The following USP9X variants were observed in gnomAD, a reference collection of about 807,000 sequenced individuals.
USP9X encodes the protein ubiquitin specific peptidase 9 X-linked.
USP9X carries 7 observed loss-of-function variants against 190.3 expected under a neutral mutation model. That is an observed-to-expected ratio of 0.04 (90% confidence interval 0.02 to 0.07). The LOEUF (loss-of-function observed/expected upper bound fraction) is 0.07, where lower values mean the gene tolerates loss of function less well. Ranked by LOEUF, USP9X falls within the 10% of genes least tolerant of loss-of-function variation. The pLI is 1.00. For missense variants in USP9X, 1,010 were observed against 1,916.9 expected (o/e 0.53, Z 8.83); for synonymous variants, 645 against 659.5 (o/e 0.98, Z 0.34).
intron 30 of USP9X, among the ~76,000 whole-genome samples, chrX:41,200,707 A>G (rs767919323): frequency 5.3e-5 from 6 of 112,600 alleles, no homozygotes; most frequent in African/African-American, 1.9e-4. Context: ...ATTTGAAGGC[A>G]AAAGTATCAA....
chrX:41,099,111 T>G (rs1316142294), intron 1 of USP9X, among the ~76,000 whole-genome samples: 6 of 90,956 alleles, frequency 6.6e-5, no homozygotes, highest in South Asian at 5.5e-4. Context: ...TTTTTTTTTT[T>G]TTTTTTTTTT....
At chrX:41,113,402 G>T (rs1801886599) in intron 1 of USP9X, among the ~76,000 whole-genome samples, 1 of 110,645 alleles carries the variant, frequency 9.0e-6, no homozygotes, top group Admixed American at 9.7e-5. Flanking sequence ...GGGTTTCACC[G>T]TGTTAGCCAG....
chrX:41,110,114 C>G (rs1244170388), intron 1 of USP9X, among the ~76,000 whole-genome samples: 1 of 111,123 alleles, frequency 9.0e-6, no homozygotes. Flanking sequence ...ACCCCCTCCC[C>G]CAGAGAAGGG....
rs780605538 is a variant in USP9X, at chrX:41,148,323, G to A, written c.1420-46G>A. 1.2e-5 allele frequency: 14 copies of A among 1,171,821 alleles called. No individual in the cohort carries two copies. In the South Asian group the frequency reaches 2.2e-4, roughly 18 times the overall value. ...TTAACCTGGTGACAATTTATGAAGT[G>A]GTGACTAAATATGTGTTGTTTTCAT... On this transcript the variant is annotated intron_variant, in intron 11 of 44. Transcript: ENST00000378308.
chrX:41,222,200 C>T (rs1044309610), intron 38 of USP9X, among the ~76,000 whole-genome samples: 1 of 111,740 alleles, frequency 8.9e-6, no homozygotes, highest in Non-Finnish European at 1.9e-5. Flanking sequence ...ACATTAAAGC[C>T]GTGAGCGTGG....
chrX:41,173,857 A>G (rs904686902), intron 21 of USP9X, among the ~76,000 whole-genome samples: 1 of 112,071 alleles, frequency 8.9e-6, no homozygotes. Flanking sequence ...GAATGAAGCT[A>G]TGTGTAAGCA....
At chrX:41,205,818 A>G (rs946487296) in intron 32 of USP9X, among the ~76,000 whole-genome samples, 3 of 109,454 alleles carry the variant, frequency 2.7e-5, no homozygotes, top group East Asian at 5.7e-4. Context: ...GTAGTAGTCA[A>G]CTTGTGGCCA....
Position 41,186,830 on chromosome X carries a change from A to ATT in USP9X, c.3684+201_3684+202dup, listed in dbSNP as rs34817628. Reference sequence around the variant, plus strand: ...CCTTTTAAAGTATACAGATGGGGTGATTTTTTTTTTTTTTGAGACGGAGTC... The same window carrying ATT: ...CCTTTTAAAGTATACAGATGGGGTGATTTTTTTTTTTTTTTTGAGACGGAGTC... On this transcript the variant is annotated intron_variant, in intron 24 of 44. Coordinates refer to ENST00000378308, the MANE Select transcript of USP9X (RefSeq NM_001039591.3). Among the ~76,000 whole-genome samples the ATT allele has an allele frequency of 0.038, 3,813 of 101,090 alleles. 180 individuals are homozygous for ATT. The highest frequency in any genetic ancestry group is 0.11 in the African/African-American group (3,112 of 27,750). The allele number at this position is 101,090 out of a possible 115,157, so 87.8% of individuals were successfully genotyped here.
rs1296735614 is a variant in USP9X at position 41,085,449 on chromosome X, G to GCCGGAT, written c.-815_-810dup. Among the ~76,000 whole-genome samples, 1 of 92,573 alleles carries GCCGGAT rather than the reference G, an allele frequency of 1.1e-5. No homozygotes were observed. Among genetic ancestry groups the GCCGGAT allele is most frequent in the Non-Finnish European group, 2.1e-5 (1 of 46,614 alleles). The allele number at this position is 92,573 out of a possible 115,157, so 80.4% of individuals were successfully genotyped here. ...CGAGCGGTTTTTTTTTTTTTGGTTT[G>GCCGGAT]CCGGATCCGCCATATTGACGAGGAC... On this transcript the variant is annotated 5_prime_UTR_variant, in exon 1 of 45. Transcript: ENST00000378308.
chrX:41,143,760 TAGAA>T (rs1569166584), intron 10 of USP9X, among the ~76,000 whole-genome samples: 1 of 112,055 alleles, frequency 8.9e-6, no homozygotes, highest in Non-Finnish European at 1.9e-5. Context: ...ATAGATTTAA[TAGAA>T]AGCAAAAACC....
intron 1 of USP9X, among the ~76,000 whole-genome samples, chrX:41,093,446 G>T (rs910619234): frequency 1.7e-4 from 19 of 112,300 alleles, no homozygotes; most frequent in African/African-American, 5.2e-4. Flanking sequence ...CTGGGTTCAA[G>T]TGATTCTCCT....
At chrX:41,218,908 A>G (rs1442945599) in intron 37 of USP9X, among the ~76,000 whole-genome samples, 194 bp from the exon 38 acceptor site, 1 of 112,386 alleles carries the variant, frequency 8.9e-6, no homozygotes, top group Non-Finnish European at 1.9e-5. Flanking sequence ...AAAAAATTAC[A>G]AGTGTAAAAA....
rs72624295 is a variant in USP9X, at chrX:41,149,269, C to T, written c.1626+694C>T. ...AAATTATTTCATTAAACCAAGGGTC[C>T]TTCTGAGGAGTCTTGAAATCAGAGC... On this transcript the variant is annotated intron_variant, in intron 12 of 44. Coordinates refer to ENST00000378308, the MANE Select transcript of USP9X (RefSeq NM_001039591.3). Among the ~76,000 whole-genome samples the T allele has an allele frequency of 2.9e-4, 32 of 111,509 alleles. No individual in the cohort carries two copies. In the East Asian group the frequency reaches 8.2e-3, roughly 28 times the overall value.
intron 33 of USP9X, among the ~76,000 whole-genome samples, chrX:41,211,750 G>A (rs1407006710): frequency 9.2e-6 from 1 of 108,609 alleles, no homozygotes; most frequent in Admixed American, 9.5e-5. Context: ...GCCCCATCCG[G>A]GAGGTGAGGG....
At chrX:41,181,990 A>G (rs2062831390) in intron 21 of USP9X, among the ~76,000 whole-genome samples, 2 of 111,981 alleles carry the variant, frequency 1.8e-5, no homozygotes, top group South Asian at 7.3e-4. Context: ...TCAGGGATGA[A>G]TATGAGAGCT....
intron 1 of USP9X, among the ~76,000 whole-genome samples, chrX:41,097,194 C>T (rs1330832729): frequency 8.9e-6 from 1 of 112,076 alleles, no homozygotes; most frequent in Non-Finnish European, 1.9e-5. Context: ...GTTAAGTTTT[C>T]ATCTGCAGTC....
At chrX:41,090,180 T>TC (rs1439714481) in intron 1 of USP9X, among the ~76,000 whole-genome samples, 1 of 109,749 alleles carries the variant, frequency 9.1e-6, no homozygotes, top group East Asian at 2.8e-4. Context: ...GTGTTAGGAT[T>TC]CCCGGCATGA....
rs1303244796 is a variant in USP9X, at chrX:41,198,763, A to G, written c.4603+13A>G. On this transcript the variant is annotated intron_variant, in intron 30 of 44. Transcript: ENST00000378308. ...ACAGCAATAACTAGTAAGTATTTTT[A>G]ATAGAATGTGATAATTGATCATTTC... The G allele has an allele frequency of 1.7e-6, 2 of 1,146,916 alleles. No homozygotes were observed. Among genetic ancestry groups the G allele is most frequent in the Non-Finnish European group, 2.4e-6 (2 of 844,557 alleles). The allele number at this position is 1,146,916 out of a possible 1,213,427, so 94.5% of individuals were successfully genotyped here. A position where few individuals can be genotyped will look rare whatever the true frequency, so the allele number is the denominator to read the frequency against.
At chrX:41,168,277 A>G (rs925055730) in intron 18 of USP9X, 59 bp downstream of exon 18, 2 of 1,004,933 alleles carry the variant, frequency 2.0e-6, no homozygotes, top group Non-Finnish European at 2.6e-6. Context: ...TTTCCTAGCC[A>G]TTTGGTAAAA....
Sources: gnomAD v4.1 joint callset for allele counts (sites outside exome capture counted in the v4.1 genomes callset) on GRCh38, gnomAD v4.1.1 for gene constraint, MANE v1.5 for transcripts, NCBI Gene and HGNC (gene_info 2026-07-23, HGNC 2026-07-21) for gene names.